IL1RAP: variants seen among roughly 807,000 people sequenced by gnomAD.
IL1RAP encodes interleukin-1 receptor accessory protein.
IL1RAP carries 35 observed loss-of-function variants against 60.7 expected under a neutral mutation model. That is an observed-to-expected ratio of 0.58 (90% CI 0.44 to 0.76). The LOEUF is 0.76. IL1RAP is among the 30% of genes least tolerant of loss of function. IL1RAP has a pLI of 0.00. For synonymous variants in IL1RAP, 268 were observed against 250.9 expected (o/e 1.07, Z -0.64); for missense variants, 572 against 693.9 (o/e 0.82, Z 1.97).
chr3:190,601,655 A>G (rs1729870675), intron 3 of IL1RAP, among the ~76,000 whole-genome samples: 1 of 152,244 alleles, frequency 6.6e-6, no homozygotes, highest in Non-Finnish European at 1.5e-5. Flanking sequence ...TGCCTTGCAA[A>G]GAAGCACAAA....
At chr3:190,557,907 T>A (rs1647081535) in intron 2 of IL1RAP, among the ~76,000 whole-genome samples, 1 of 152,174 alleles carries the variant, frequency 6.6e-6, no homozygotes, top group Admixed American at 6.5e-5. Context: ...GTTCTGTTTC[T>A]CCAAACAACT....
chr3:190,558,851 C>T (rs906608719), intron 2 of IL1RAP, among the ~76,000 whole-genome samples: 3 of 152,144 alleles, frequency 2.0e-5, no homozygotes, highest in African/African-American at 7.2e-5. Context: ...TATGTCTCTT[C>T]TATTATTTTC....
At chr3:190,543,771 G>A (rs1326707094) in intron 1 of IL1RAP, among the ~76,000 whole-genome samples, 1 of 152,116 alleles carries the variant, frequency 6.6e-6, no homozygotes, top group Non-Finnish European at 1.5e-5. Flanking sequence ...GTACAGCAAA[G>A]GGTTGGAAAG....
chr3:190,605,346 A>C (rs1201665508), intron 4 of IL1RAP, among the ~76,000 whole-genome samples: 1 of 152,056 alleles, frequency 6.6e-6, no homozygotes, highest in Non-Finnish European at 1.5e-5. Context: ...AAAAACAAAA[A>C]AACAAAACAA....
At chr3:190,632,606 T>G (rs1030713576) in intron 9 of IL1RAP, among the ~76,000 whole-genome samples, 2 of 152,232 alleles carry the variant, frequency 1.3e-5, no homozygotes, top group East Asian at 3.8e-4. Context: ...TGGCATTTAT[T>G]GTATCAATTT....
intron 7 of IL1RAP, among the ~76,000 whole-genome samples, chr3:190,624,293 C>G (rs569085772): frequency 6.6e-6 from 1 of 152,298 alleles, no homozygotes; most frequent in Non-Finnish European, 1.5e-5. Context: ...TTATAAGAAC[C>G]AATAACAGGG....
intron 3 of IL1RAP, among the ~76,000 whole-genome samples, chr3:190,572,569 C>A (rs1260468055): frequency 1.3e-5 from 2 of 152,122 alleles, no homozygotes; most frequent in Non-Finnish European, 2.9e-5. Context: ...CTGATGTAAA[C>A]CCGGCTATAT....
At chr3:190,619,806 A>C (rs185069801) in intron 5 of IL1RAP, among the ~76,000 whole-genome samples, 84 of 152,290 alleles carry the variant, frequency 5.5e-4, no homozygotes, top group African/African-American at 2.0e-3. Flanking sequence ...AGGGTGATTA[A>C]AAATGCCAAT....
rs113083710 is a variant in IL1RAP at position 190,619,727 on chromosome 3, C to CAAA, written c.538-536_538-534dup. Reference sequence around the variant, plus strand: ...GTCACAGACTGATGAGACCCTATCTCAAAAAAAAAAAAAAGTAATAAAAGA... The same window carrying CAAA: ...GTCACAGACTGATGAGACCCTATCTCAAAAAAAAAAAAAAAAAGTAATAAAAGA... On this transcript the variant is annotated intron_variant, in intron 5 of 11. Coordinates refer to ENST00000447382, the MANE Select transcript of IL1RAP (RefSeq NM_002182.4). 6.4e-3 allele frequency among the ~76,000 whole-genome samples: 835 copies of CAAA among 129,638 alleles called. 9 individuals carry two copies. The highest frequency in any genetic ancestry group is 0.023 in the African/African-American group (800 of 35,372). The allele number at this position is 129,638 out of a possible 152,430, so 85.0% of individuals were successfully genotyped here. A position where few individuals can be genotyped will look rare whatever the true frequency, so the allele number is the denominator to read the frequency against.
chr3:190,534,347 A>G (rs1450959787), intron 1 of IL1RAP, among the ~76,000 whole-genome samples: 1 of 151,990 alleles, frequency 6.6e-6, no homozygotes, highest in African/African-American at 2.4e-5. Context: ...ATTTCAAACT[A>G]GGAAGTTTCA....
Position 190,633,871 on chromosome 3 carries a change from A to G in IL1RAP, c.1051+4373A>G, listed in dbSNP as rs185977574. ...AATTTCATAACTTTAATAACTTTTT[A>G]CTGTCCGTTTCACTCTTTTGGACCT... On this transcript the variant is annotated intron_variant, in intron 9 of 11. Coordinates refer to ENST00000447382, the MANE Select transcript of IL1RAP (RefSeq NM_002182.4). Among the ~76,000 whole-genome samples the G allele has an allele frequency of 8.5e-4, 130 of 152,242 alleles. 1 individual carries two copies. The highest frequency in any genetic ancestry group is 3.0e-3 in the African/African-American group (125 of 41,546).
intron 1 of IL1RAP, among the ~76,000 whole-genome samples, chr3:190,545,149 T>C (rs1255451532): frequency 1.3e-5 from 2 of 152,208 alleles, no homozygotes; most frequent in African/African-American, 4.8e-5. Context: ...ACATCTGATA[T>C]TATTTTCCGG....
At chr3:190,546,384 T>TA in intron 1 of IL1RAP, among the ~76,000 whole-genome samples, 1 of 152,178 alleles carries the variant, frequency 6.6e-6, no homozygotes, top group East Asian at 1.9e-4. Flanking sequence ...CTCCTCAGTC[T>TA]AAACCCCTTT....
rs548251367 is a variant in IL1RAP, at chr3:190,562,918, T to C, written c.-1-1371T>C. On this transcript the variant is annotated intron_variant, in intron 2 of 11. Coordinates refer to ENST00000447382, the MANE Select transcript of IL1RAP (RefSeq NM_002182.4). The stretch of plus-strand genomic sequence containing the variant: ...AGAAAACATCATTTAATTTATCAGA[T>C]GAAACAACAGCTTGTGATATGACGA... Among the ~76,000 whole-genome samples, 6 of 152,216 alleles carry C rather than the reference T, an allele frequency of 3.9e-5. No individual in the cohort carries two copies. In the South Asian group the frequency reaches 1.2e-3, roughly 32 times the overall value.
chr3:190,541,777 C>T (rs1222028612), intron 1 of IL1RAP, among the ~76,000 whole-genome samples: 1 of 152,142 alleles, frequency 6.6e-6, no homozygotes, highest in South Asian at 2.1e-4. Flanking sequence ...ACTTCTGAGT[C>T]TGTCCTCCCC....
At chr3:190,570,603 G>A (rs1404447754) in intron 3 of IL1RAP, among the ~76,000 whole-genome samples, 2 of 151,898 alleles carry the variant, frequency 1.3e-5, no homozygotes, top group Admixed American at 1.3e-4. Flanking sequence ...CTTCGCTCTT[G>A]TTGCCAGGCT....
In IL1RAP at chr3:190,648,722, G is replaced by A. The variant is rs372650058; in HGVS notation, c.*17G>A. The A allele has an allele frequency of 1.6e-4, 255 of 1,590,820 alleles. No individual in the cohort carries two copies. Among genetic ancestry groups the A allele is most frequent in the Non-Finnish European group, 2.1e-4 (248 of 1,169,952 alleles). ...AATGTATGAAAGGAATAATGAAAAG[G>A]GTAAAAAGAACAAGGGGTGCTCCAG... On this transcript the variant is annotated 3_prime_UTR_variant, in exon 12 of 12. Transcript: ENST00000447382.
At chr3:190,641,439 T>A (rs887708741) in intron 9 of IL1RAP, among the ~76,000 whole-genome samples, 5 of 152,246 alleles carry the variant, frequency 3.3e-5, no homozygotes, top group African/African-American at 1.2e-4. Context: ...TGACTTAAGC[T>A]ATTTAGAAAA....
chr3:190,645,694 GC>G lies in IL1RAP; in HGVS notation c.1202-4del. The G allele has an allele frequency of 6.2e-7, 1 of 1,604,778 alleles. No individual in the cohort carries two copies. Among genetic ancestry groups the G allele is most frequent in the Non-Finnish European group, 8.5e-7 (1 of 1,173,876 alleles). The stretch of plus-strand genomic sequence containing the variant: ...TTTACATTGTATCTGTGTTCCTTTT[GC>G]TAGATGGAAAAGAGTATGATATTTA... On this transcript the variant is annotated splice_region_variant and splice_polypyrimidine_tract_variant and intron_variant, in intron 10 of 11. Coordinates refer to ENST00000447382, the MANE Select transcript of IL1RAP (RefSeq NM_002182.4).
Sources: gnomAD v4.1 joint callset for allele counts (sites outside exome capture counted in the v4.1 genomes callset) on GRCh38, gnomAD v4.1.1 for gene constraint, MANE v1.5 for transcripts, NCBI Gene and HGNC (gene_info 2026-07-23, HGNC 2026-07-21) for gene names.